The following RIMS4 variants were observed in gnomAD, a reference collection of about 807,000 sequenced individuals.
RIMS4 encodes the protein regulating synaptic membrane exocytosis protein 4.
In RIMS4, 9 loss-of-function variants were observed where a neutral mutation model predicts 29.0. The ratio of observed to expected loss-of-function variants is 0.31; its 90% confidence interval spans 0.19 to 0.54. The LOEUF is 0.54. Ranked by LOEUF, RIMS4 falls within the 20% of genes least tolerant of loss-of-function variation. The probability of loss-of-function intolerance (pLI) is 0.94; values close to 1 mark genes in which losing one functional copy is unlikely to be tolerated. For missense variants in RIMS4, 193 were observed against 365.7 expected, an observed-to-expected ratio of 0.53 and a Z score of 3.85; for synonymous variants, 130 against 152.9, an observed-to-expected ratio of 0.85 and a Z score of 1.10.
At chr20:44,766,116 CAGCCAGAGG>C (rs1277207531) in intron 2 of RIMS4, among the ~76,000 whole-genome samples, 2 of 152,246 alleles carry the variant, frequency 1.3e-5, no homozygotes, top group East Asian at 3.9e-4. Flanking sequence ...GCTGCTGATA[CAGCCAGAGG>C]AACGGTAGGC....
At position 44,789,458 on chromosome 20, in the gene RIMS4, G is replaced by A. The variant is rs373921305; in HGVS notation, c.98-18045C>T. On this transcript the variant is annotated intron_variant, in intron 1 of 5. Transcript: ENST00000372851. The stretch of plus-strand genomic sequence containing the variant: ...ACGGCAGGCACCCGCCACCACACCC[G>A]GCTAATTTTTTGTATTTTTAGTAGA... Among the ~76,000 whole-genome samples the A allele has an allele frequency of 6.6e-4, 100 of 152,044 alleles. 2 individuals are homozygous for A. In the South Asian group the frequency reaches 0.02, roughly 30 times the overall value.
At chr20:44,790,592 C>T (rs1484132021) in intron 1 of RIMS4, among the ~76,000 whole-genome samples, 2 of 152,228 alleles carry the variant, frequency 1.3e-5, no homozygotes, top group African/African-American at 4.8e-5. Flanking sequence ...GCTAGTGTCT[C>T]ACTCAAGTCC....
intron 1 of RIMS4, among the ~76,000 whole-genome samples, chr20:44,809,569 G>T (rs948511329): frequency 6.6e-6 from 1 of 152,184 alleles, no homozygotes; most frequent in Non-Finnish European, 1.5e-5. Flanking sequence ...GAAGAGAGGG[G>T]AGGAAAGGCC....
intron 1 of RIMS4, among the ~76,000 whole-genome samples, chr20:44,771,805 G>A (rs1209663983): frequency 6.6e-6 from 1 of 152,082 alleles, no homozygotes; most frequent in Non-Finnish European, 1.5e-5. Context: ...CTGGCTGTGT[G>A]GATGGCATAT....
At chr20:44,788,240 A>T (rs1040540159) in intron 1 of RIMS4, among the ~76,000 whole-genome samples, 1 of 151,940 alleles carries the variant, frequency 6.6e-6, no homozygotes, top group Admixed American at 6.6e-5. Context: ...CTTAAACTTT[A>T]AAAAAAAATT....
chr20:44,774,594 T>C (rs2066151607), intron 1 of RIMS4, among the ~76,000 whole-genome samples: 1 of 152,232 alleles, frequency 6.6e-6, no homozygotes, highest in Non-Finnish European at 1.5e-5. Context: ...GCTTGCAGAC[T>C]GCCTATTGTG....
intron 1 of RIMS4, among the ~76,000 whole-genome samples, chr20:44,780,222 G>T (rs2066178081): frequency 6.6e-6 from 1 of 152,190 alleles, no homozygotes; most frequent in African/African-American, 2.4e-5. Context: ...ATGGCAACCA[G>T]TGGCATGTCA....
chr20:44,785,295 C>A (rs2066203424), intron 1 of RIMS4, among the ~76,000 whole-genome samples: 1 of 151,288 alleles, frequency 6.6e-6, no homozygotes, highest in African/African-American at 2.4e-5. Flanking sequence ...GTGGCACAAT[C>A]ACAGCTCACT....
Position 44,757,169 on chromosome 20 carries a change from C to T in RIMS4, c.452-132G>A, listed in dbSNP as rs1268241102. ...CCCATGGGGTCTGGGGAGGACGCAC[C>T]AGGACACATGGGGGGTGGGCATTTG... On this transcript the variant is annotated intron_variant, in intron 4 of 5. Transcript: ENST00000372851. The T allele has an allele frequency of 4.0e-6, 4 of 990,194 alleles. No individual in the cohort carries two copies. In the Admixed American group the frequency reaches 9.0e-5, roughly 22 times the overall value. The allele number at this position is 990,194 out of a possible 1,614,324, so 61.3% of individuals were successfully genotyped here. A position where few individuals can be genotyped will look rare whatever the true frequency, so the allele number is the denominator to read the frequency against.
chr20:44,810,023 G>A (rs980677682), intron 1 of RIMS4, 152 bp downstream of exon 1: 30 of 378,690 alleles, frequency 7.9e-5, no homozygotes, highest in Middle Eastern at 9.2e-4. Context: ...GCATCCTGGA[G>A]ACCCTGGGGT....
intron 1 of RIMS4, among the ~76,000 whole-genome samples, chr20:44,784,785 C>T (rs1022450457): frequency 2.6e-5 from 4 of 152,248 alleles, no homozygotes; most frequent in Non-Finnish European, 4.4e-5. Context: ...TTGGCTAAGG[C>T]ACCTCCCTTG....
rs532129270 is a variant in RIMS4 at position 44,803,656 on chromosome 20, GA to G, written c.97+6518del. ...TCAGTTTCCGAGTGAATCAGAAGGG[GA>G]GGGGGGAGGAAGGAAAAAAGGGGAG... On this transcript the variant is annotated intron_variant, in intron 1 of 5. Coordinates refer to ENST00000372851, the MANE Select transcript of RIMS4 (RefSeq NM_182970.4). 5.3e-5 allele frequency among the ~76,000 whole-genome samples: 8 copies of G among 152,260 alleles called. No individual in the cohort carries two copies. The South Asian group carries it at 1.4e-3, about 28-fold the overall frequency.
chr20:44,806,143 A>G (rs57275835), intron 1 of RIMS4, among the ~76,000 whole-genome samples: 1,932 of 152,212 alleles, frequency 0.013, 46 homozygotes, highest in African/African-American at 0.043. Context: ...CGCTGGATCG[A>G]AGCTTCCATC....
chr20:44,793,357 C>T (rs1442586381), intron 1 of RIMS4, among the ~76,000 whole-genome samples: 1 of 152,202 alleles, frequency 6.6e-6, no homozygotes, highest in Non-Finnish European at 1.5e-5. Context: ...AAGGCCAGGA[C>T]AGCTCAAATT....
intron 1 of RIMS4, among the ~76,000 whole-genome samples, chr20:44,785,196 G>A (rs999282360): frequency 2.6e-5 from 4 of 151,674 alleles, no homozygotes; most frequent in African/African-American, 9.7e-5. Context: ...AAGTTTGGGA[G>A]CCTGCAATCC....
chr20:44,770,704 G>A (rs1344716561), intron 2 of RIMS4, among the ~76,000 whole-genome samples: 2 of 152,130 alleles, frequency 1.3e-5, no homozygotes, highest in African/African-American at 4.8e-5. Flanking sequence ...CTGGCAAGGA[G>A]CCAGCCACAC....
chr20:44,794,679 G>C (rs549358935), intron 1 of RIMS4, among the ~76,000 whole-genome samples: 1 of 152,174 alleles, frequency 6.6e-6, no homozygotes, highest in Non-Finnish European at 1.5e-5. Flanking sequence ...CCTTCAAACC[G>C]GCACTTCCCA....
intron 1 of RIMS4, among the ~76,000 whole-genome samples, chr20:44,789,340 C>T (rs529667389): frequency 1.3e-5 from 2 of 152,276 alleles, no homozygotes; most frequent in East Asian, 3.9e-4. Flanking sequence ...CTCTGTCACC[C>T]AGGCTGGAGT....
At chr20:44,801,206 C>T (rs1189841807) in intron 1 of RIMS4, among the ~76,000 whole-genome samples, 1 of 152,182 alleles carries the variant, frequency 6.6e-6, no homozygotes, top group African/African-American at 2.4e-5. Context: ...CAAGCCACCC[C>T]TCACAGAGGG....
Sources: allele counts gnomAD v4.1 joint callset (sites outside exome capture counted in the v4.1 genomes callset), GRCh38; gene constraint gnomAD v4.1.1; transcripts MANE v1.5; gene names NCBI Gene and HGNC (gene_info 2026-07-23, HGNC 2026-07-21).